The following SRSF12 variants were observed in gnomAD, a reference collection of about 807,000 sequenced individuals.
The protein encoded by SRSF12 is serine and arginine rich splicing factor 12.
A neutral mutation model predicts 34.1 loss-of-function variants in SRSF12; 21 were observed. That is an observed-to-expected ratio of 0.62 (90% confidence interval 0.44 to 0.89). The LOEUF is 0.89. SRSF12 is among the 40% of genes least tolerant of loss of function. SRSF12 has a pLI of 0.00. For missense variants in SRSF12, 278 were observed against 327.8 expected (o/e 0.85, Z 1.17); for synonymous variants, 111 against 110.8 (o/e 1.00, Z -0.01).
intron 1 of SRSF12, among the ~76,000 whole-genome samples, chr6:89,109,421 T>TA (rs752826384): frequency 1.3e-5 from 2 of 151,802 alleles, no homozygotes; most frequent in Non-Finnish European, 2.9e-5. Flanking sequence ...CTGTTACCAT[T>TA]TAAGAGTTAA....
chr6:89,111,729 T>C (rs979801873), intron 1 of SRSF12, among the ~76,000 whole-genome samples: 1 of 152,202 alleles, frequency 6.6e-6, no homozygotes, highest in Non-Finnish European at 1.5e-5. Context: ...AAGGAAAGCA[T>C]TGTCTTTCAT....
intron 4 of SRSF12, among the ~76,000 whole-genome samples, chr6:89,102,827 C>A (rs1398922903): frequency 6.6e-6 from 1 of 152,176 alleles, no homozygotes; most frequent in African/African-American, 2.4e-5. Flanking sequence ...TCATGGCTCA[C>A]TGCAGCCTTG....
At chr6:89,115,545 G>A (rs1769250146) in intron 1 of SRSF12, among the ~76,000 whole-genome samples, 1 of 151,880 alleles carries the variant, frequency 6.6e-6, no homozygotes, top group African/African-American at 2.4e-5. Context: ...GTCTCCTAAA[G>A]TGCTGGGATT....
rs1248061196 is a variant in SRSF12, at chr6:89,098,772, T to C, written c.592A>G (p.Ser198Gly). 6.8e-6 allele frequency: 11 copies of C among 1,613,894 alleles called. No individual in the cohort carries two copies. Among genetic ancestry groups the C allele is most frequent in the African/African-American group, 6.7e-5 (5 of 74,926 alleles). Residue 198 changes from serine (S) to glycine (G), a missense_variant, in exon 5 of 5, where the codon AGT (serine) becomes GGT (glycine). Transcript: ENST00000452027. ...RSKSIGKSQSSSPQKQTSSGT... is the reference protein window; with the variant it reads ...RSKSIGKSQSGSPQKQTSSGT... ...GAGCTAGTCTGCTTTTGAGGTGAAC[T>C]TGACTGTGATTTTCCTATTGACTTG... is the stretch of plus-strand genomic sequence containing the variant.
chr6:89,103,953 T>G (rs1485859996), intron 4 of SRSF12, among the ~76,000 whole-genome samples: 4 of 151,866 alleles, frequency 2.6e-5, no homozygotes, highest in Non-Finnish European at 5.9e-5. Context: ...TACATTAACT[T>G]TAGTCAACCA....
intron 1 of SRSF12, among the ~76,000 whole-genome samples, chr6:89,115,744 A>C (rs1247893303): frequency 2.1e-5 from 3 of 143,640 alleles, no homozygotes; most frequent in African/African-American, 7.9e-5. Context: ...TCACACCATT[A>C]TCCTGCCTCA....
chr6:89,112,152 G>C (rs937689173), intron 1 of SRSF12, among the ~76,000 whole-genome samples: 1 of 152,020 alleles, frequency 6.6e-6, no homozygotes, highest in Admixed American at 6.5e-5. Flanking sequence ...GGATCCTCAG[G>C]TGAACCGCCC....
Position 89,098,940 on chromosome 6 carries a change from G to A in SRSF12, c.424C>T (p.His142Tyr), listed in dbSNP as rs1448420796. 1 of 1,611,632 alleles carries A rather than the reference G, an allele frequency of 6.2e-7. No individual in the cohort carries two copies. Among genetic ancestry groups the A allele is most frequent in the Non-Finnish European group, 8.5e-7 (1 of 1,178,688 alleles). Residue 142 changes from histidine (H) to tyrosine (Y), a missense_variant, in exon 5 of 5, where the codon CAC becomes TAC. His to Tyr is a moderately conservative substitution (Grantham distance 83). Transcript: ENST00000452027. Reference protein sequence around the residue: ...RRSDSLKESRHRRFSYSQSKS... With the variant: ...RRSDSLKESRYRRFSYSQSKS... ...GACTGGCTATAAGAAAATCGCCTGTGTCGAGACCTGCAAACATCCATAATG... is the reference window on the plus strand; with the variant it reads ...GACTGGCTATAAGAAAATCGCCTGTATCGAGACCTGCAAACATCCATAATG...
intron 1 of SRSF12, among the ~76,000 whole-genome samples, chr6:89,113,287 C>T (rs537820857): frequency 1.1e-4 from 17 of 152,074 alleles, no homozygotes; most frequent in Non-Finnish European, 1.8e-4. Context: ...GATTCTTCTG[C>T]CTCAGCCTCC....
In SRSF12 at chr6:89,099,456, G is replaced by GTATATATACACACA. The variant is rs1165109904; in HGVS notation, c.417-510_417-509insTGTGTGTATATATA. Among the ~76,000 whole-genome samples, 17 of 141,340 alleles carry GTATATATACACACA rather than the reference G, an allele frequency of 1.2e-4. 1 individual carries two copies. Among genetic ancestry groups the GTATATATACACACA allele is most frequent in the African/African-American group, 4.5e-4 (17 of 38,104 alleles). 92.7% of individuals were successfully genotyped at this position (141,340 alleles called of 152,430 possible). On this transcript the variant is annotated intron_variant, in intron 4 of 4. Coordinates refer to ENST00000452027, the MANE Select transcript of SRSF12 (RefSeq NM_080743.5). ...TATATATATACACATATATATGTGTGTATATATGTGTGTGTATATATATAT... is the reference window on the plus strand; with the variant it reads ...TATATATATACACATATATATGTGTGTATATATACACACATATATATGTGTGTGTATATATATAT...
In SRSF12 at chr6:89,098,411, G is replaced by A. The variant is rs1768353904; in HGVS notation, c.*167C>T. On this transcript the variant is annotated 3_prime_UTR_variant, in exon 5 of 5. Coordinates refer to ENST00000452027, the MANE Select transcript of SRSF12 (RefSeq NM_080743.5). Reference sequence around the variant, plus strand: ...ATTTGTAGTGTGGGCCCTTTAAATGGAGACCAAATTTTTATTAATCCAAAG... The same window carrying A: ...ATTTGTAGTGTGGGCCCTTTAAATGAAGACCAAATTTTTATTAATCCAAAG... 1.2e-5 allele frequency: 10 copies of A among 843,890 alleles called. No individual in the cohort carries two copies. The Admixed American group carries it at 3.7e-4, about 31-fold the overall frequency. 52.3% of individuals were successfully genotyped at this position (843,890 alleles called of 1,614,324 possible). A position where few individuals can be genotyped will look rare whatever the true frequency, so the allele number is the denominator to read the frequency against.
chr6:89,114,128 G>C (rs2127997043), intron 1 of SRSF12, among the ~76,000 whole-genome samples: 1 of 152,226 alleles, frequency 6.6e-6, no homozygotes, highest in Middle Eastern at 3.4e-3. Flanking sequence ...GGTAAAATGG[G>C]GTTAACAAAG....
chr6:89,108,194 TGA>T (rs1768882470), intron 1 of SRSF12, among the ~76,000 whole-genome samples: 1 of 152,224 alleles, frequency 6.6e-6, no homozygotes, highest in African/African-American at 2.4e-5. Flanking sequence ...AGAAACAGCA[TGA>T]TATTCATCTT....
chr6:89,099,957 C>G (rs1236835092), intron 4 of SRSF12, among the ~76,000 whole-genome samples: 1 of 152,104 alleles, frequency 6.6e-6, no homozygotes, highest in Non-Finnish European at 1.5e-5. Flanking sequence ...TTTACTAAGA[C>G]CATTTTTCAA....
intron 1 of SRSF12, among the ~76,000 whole-genome samples, chr6:89,116,583 T>C (rs1218121944): frequency 1.3e-5 from 2 of 152,252 alleles, no homozygotes; most frequent in Middle Eastern, 3.4e-3. Context: ...GAGATCAGCC[T>C]GGCCAACATA....
intron 1 of SRSF12, among the ~76,000 whole-genome samples, chr6:89,109,050 T>C (rs960900440): frequency 4.6e-5 from 7 of 152,184 alleles, no homozygotes; most frequent in Non-Finnish European, 8.8e-5. Context: ...GCACCTACCA[T>C]GTGCCAGGCT....
chr6:89,102,995 G>A (rs1408375155), intron 4 of SRSF12, among the ~76,000 whole-genome samples: 1 of 152,058 alleles, frequency 6.6e-6, no homozygotes, highest in African/African-American at 2.4e-5. Context: ...TCAAATTCCT[G>A]GACTCAAGTG....
In SRSF12 at chr6:89,099,504, GTA is replaced by G. The variant is rs1332442983; in HGVS notation, c.417-559_417-558del. Among the ~76,000 whole-genome samples the G allele has an allele frequency of 1.0e-3, 75 of 74,198 alleles. 2 individuals carry two copies. Among genetic ancestry groups the G allele is most frequent in the East Asian group, 1.9e-3 (5 of 2,608 alleles). The allele number at this position is 74,198 out of a possible 152,430, so 48.7% of individuals were successfully genotyped here. Reference sequence around the variant, plus strand: ...TATGTGTGTGTATATATATATGTGTGTATATATATATACACACACACACACAC... The same window carrying G: ...TATGTGTGTGTATATATATATGTGTGTATATATATACACACACACACACAC... On this transcript the variant is annotated intron_variant, in intron 4 of 4. Coordinates refer to ENST00000452027, the MANE Select transcript of SRSF12 (RefSeq NM_080743.5).
intron 2 of SRSF12, among the ~76,000 whole-genome samples, chr6:89,106,439 A>G (rs1340919327): frequency 6.6e-6 from 1 of 152,194 alleles, no homozygotes; most frequent in African/African-American, 2.4e-5. Flanking sequence ...ACTACTTGGG[A>G]TATAAATATA....
Sources: allele counts gnomAD v4.1 joint callset (sites outside exome capture counted in the v4.1 genomes callset), GRCh38; gene constraint gnomAD v4.1.1; transcripts MANE v1.5; gene names NCBI Gene and HGNC (gene_info 2026-07-23, HGNC 2026-07-21).